FBN1: variants seen among roughly 807,000 people sequenced by gnomAD.
The protein encoded by FBN1 is fibrillin 1.
In FBN1, 29 loss-of-function variants were observed where a neutral mutation model predicts 365.1. That is an observed-to-expected ratio of 0.08 (90% CI 0.06 to 0.11). The LOEUF is 0.11. Among genes scored for constraint, FBN1 ranks in the 10% least tolerant of loss-of-function variants. The pLI is 1.00. For synonymous variants in FBN1, 1,210 were observed against 1,270.5 expected (o/e 0.95, Z 1.01); for missense variants, 2,476 against 3,703.2 (o/e 0.67, Z 8.60).
chr15:48,553,227 T>C (rs2044156466), intron 6 of FBN1, among the ~76,000 whole-genome samples: 1 of 152,192 alleles, frequency 6.6e-6, no homozygotes, highest in African/African-American at 2.4e-5. Context: ...CTACCGTCAA[T>C]TGAAAGTAAA....
At chr15:48,619,936 C>T (rs1336035351) in intron 2 of FBN1, among the ~76,000 whole-genome samples, 2 of 151,370 alleles carry the variant, frequency 1.3e-5, no homozygotes, top group Non-Finnish European at 2.9e-5. Context: ...CTACATGCTT[C>T]GACCTATATG....
At chr15:48,445,564 T>C in intron 47 of FBN1, 60 bp from the exon 48 acceptor site, 2 of 1,568,852 alleles carry the variant, frequency 1.3e-6, no homozygotes, top group Non-Finnish European at 1.8e-6. Flanking sequence ...ATCCCAGCAA[T>C]AATCAAAACT....
chr15:48,492,739 G>C (rs990636302), intron 23 of FBN1, among the ~76,000 whole-genome samples, 153 bp from the exon 24 acceptor site: 6 of 152,276 alleles, frequency 3.9e-5, no homozygotes, highest in Admixed American at 1.3e-4. Flanking sequence ...TTTCTAGGGT[G>C]CCTGAATAGC....
At chr15:48,519,588 A>G (rs1401915605) in intron 10 of FBN1, among the ~76,000 whole-genome samples, 2 of 152,194 alleles carry the variant, frequency 1.3e-5, no homozygotes, top group African/African-American at 4.8e-5. Flanking sequence ...CGGGATATTC[A>G]TGGATTAGGT....
intron 15 of FBN1, among the ~76,000 whole-genome samples, chr15:48,507,819 T>C (rs2043723375): frequency 6.6e-6 from 1 of 152,116 alleles, no homozygotes; most frequent in African/African-American, 2.4e-5. Context: ...CTTTAAGAAG[T>C]CTGGTTCCAA....
intron 13 of FBN1, among the ~76,000 whole-genome samples, chr15:48,512,560 G>A (rs186423450): frequency 6.6e-6 from 1 of 152,226 alleles, no homozygotes; most frequent in African/African-American, 2.4e-5. Context: ...CCACTTAAAA[G>A]TGAGAACATG....
chr15:48,485,283 C>T, intron 30 of FBN1, 91 bp downstream of exon 30: 1 of 1,540,764 alleles, frequency 6.5e-7, no homozygotes, highest in Non-Finnish European at 9.0e-7. Flanking sequence ...AGGGTTTGGA[C>T]TCAAGCCTGC....
intron 6 of FBN1, among the ~76,000 whole-genome samples, chr15:48,550,883 T>C (rs981906025): frequency 3.9e-5 from 6 of 152,174 alleles, no homozygotes; most frequent in African/African-American, 1.4e-4. Flanking sequence ...GCCTTAAGGA[T>C]ACATATTTTG....
intron 19 of FBN1, 45 bp from the exon 20 acceptor site, chr15:48,496,270 T>C (rs374777158): frequency 1.2e-5 from 19 of 1,610,504 alleles, no homozygotes; most frequent in Non-Finnish European, 1.6e-5. Context: ...GCCCAAACTT[T>C]GCCTGTATCT....
intron 11 of FBN1, among the ~76,000 whole-genome samples, chr15:48,515,957 C>A (rs2043796996): frequency 6.6e-6 from 1 of 152,104 alleles, no homozygotes; most frequent in Non-Finnish European, 1.5e-5. Flanking sequence ...ACACCAATAA[C>A]AAAAGGACAT....
Position 48,596,300 on chromosome 15 carries a change from C to G in FBN1, c.521G>C (p.Gly174Ala). The change falls in exon 6 of 66, where the codon GGA becomes GCA. Residue 174 changes from glycine (G) to alanine (A), a missense_variant. Around this residue, in one of 5 missense-constraint regions of FBN1, gnomAD observed 421 missense variants for 520.1 expected, o/e 0.81. Transcript: ENST00000316623. ...NRCACTYGFT[G>A]PQCERDYRTG... ...ACCATTACCTCTTTCACACTGGGGT[C>G]CAGTAAATCCGTAAGTGCATGCACA... 6.2e-7 allele frequency: 1 copy of G among 1,613,946 alleles called. No individual in the cohort carries two copies. The highest frequency in any genetic ancestry group is 8.5e-7 in the Non-Finnish European group (1 of 1,179,824).
chr15:48,426,307 G>T (rs1188455200), intron 58 of FBN1, among the ~76,000 whole-genome samples: 1 of 152,068 alleles, frequency 6.6e-6, no homozygotes, highest in East Asian at 1.9e-4. Flanking sequence ...AATAAGTAAG[G>T]TTTTTTGTTT....
chr15:48,513,343 C>T (rs1003181696), intron 13 of FBN1, among the ~76,000 whole-genome samples: 3 of 152,146 alleles, frequency 2.0e-5, no homozygotes, highest in Admixed American at 6.5e-5. Flanking sequence ...CAGGCATAGA[C>T]GCATCTTATA....
At chr15:48,626,851 T>C (rs911051799) in intron 2 of FBN1, among the ~76,000 whole-genome samples, 4 of 152,186 alleles carry the variant, frequency 2.6e-5, no homozygotes, top group African/African-American at 9.6e-5. Flanking sequence ...CCACATGAAG[T>C]CATTCAGTGG....
chr15:48,460,391 A>G, intron 42 of FBN1, 74 bp from the exon 43 acceptor site: 1 of 907,868 alleles, frequency 1.1e-6, no homozygotes, highest in Non-Finnish European at 1.8e-6. Flanking sequence ...GAAAAAAATT[A>G]TTTTGTAAGC....
intron 24 of FBN1, among the ~76,000 whole-genome samples, chr15:48,491,631 G>C (rs140774961): frequency 0.015 from 2,334 of 151,940 alleles, 38 homozygotes; most frequent in Non-Finnish European, 0.02. Context: ...GATTACAGGC[G>C]TGAGCCATCG....
intron 38 of FBN1, among the ~76,000 whole-genome samples, chr15:48,467,295 A>G (rs1055560026): frequency 1.3e-5 from 2 of 152,230 alleles, no homozygotes; most frequent in African/African-American, 4.8e-5. Flanking sequence ...ATATTTTTAG[A>G]AGAATTGAAT....
intron 58 of FBN1, among the ~76,000 whole-genome samples, chr15:48,426,833 CT>C (rs889145627): frequency 6.6e-6 from 1 of 151,336 alleles, no homozygotes; most frequent in Non-Finnish European, 1.5e-5. Context: ...TCTGTTTTTT[CT>C]TTTTTTTTAA....
intron 2 of FBN1, among the ~76,000 whole-genome samples, chr15:48,613,733 G>T (rs1284970568): frequency 2.6e-5 from 4 of 152,216 alleles, no homozygotes; most frequent in Non-Finnish European, 4.4e-5. Flanking sequence ...TTCAAGACCA[G>T]CCTGGCCAAC....
Sources: allele counts gnomAD v4.1 joint callset (sites outside exome capture counted in the v4.1 genomes callset), GRCh38; gene constraint gnomAD v4.1.1; regional missense constraint gnomAD v4.1.1; transcripts MANE v1.5; gene names NCBI Gene and HGNC (gene_info 2026-07-23, HGNC 2026-07-21).